The following CSMD2 variants were observed in gnomAD, a reference collection of about 807,000 sequenced individuals.
CSMD2 encodes CUB and sushi domain-containing protein 2.
In CSMD2, 130 loss-of-function variants were observed where a neutral mutation model predicts 398.5. The observed-to-expected ratio is 0.33, with a 90% CI of 0.28 to 0.38. The LOEUF (loss-of-function observed/expected upper bound fraction) is 0.38, where lower values mean the gene tolerates loss of function less well. Among genes scored for constraint, CSMD2 ranks in the 10% least tolerant of loss-of-function variants. The pLI, the probability that CSMD2 is intolerant of heterozygous loss-of-function variation, is 1.00. For synonymous variants in CSMD2, 1,828 were observed against 1,908.5 expected (o/e 0.96, Z 1.10); for missense variants, 3,829 against 4,764.9 (o/e 0.80, Z 5.78).
At chr1:33,795,101 G>A (rs915060681) in intron 10 of CSMD2, among the ~76,000 whole-genome samples, 3 of 148,320 alleles carry the variant, frequency 2.0e-5, no homozygotes, top group South Asian at 2.2e-4. Flanking sequence ...AAGGTGAGGC[G>A]GGATGTAAGC....
At chr1:33,523,560 T>C in intron 66 of CSMD2, 141 bp from the exon 67 acceptor site, 1 of 602,030 alleles carries the variant, frequency 1.7e-6, no homozygotes, top group Non-Finnish European at 3.0e-6. Flanking sequence ...TCCCTTTAAG[T>C]CGTAAGTGTA....
chr1:33,878,513 A>T (rs1417436240), intron 5 of CSMD2, among the ~76,000 whole-genome samples: 1 of 152,250 alleles, frequency 6.6e-6, no homozygotes, highest in Admixed American at 6.5e-5. Context: ...AGGAGCCATT[A>T]TTGTGACACA....
intron 3 of CSMD2, among the ~76,000 whole-genome samples, chr1:33,939,190 T>G (rs1041743307): frequency 6.6e-6 from 1 of 152,156 alleles, no homozygotes; most frequent in East Asian, 1.9e-4. Context: ...CTTCCCATGA[T>G]CCCCTGCAGC....
At chr1:33,686,458 T>C (rs1218144677) in intron 25 of CSMD2, among the ~76,000 whole-genome samples, 2 of 152,192 alleles carry the variant, frequency 1.3e-5, no homozygotes, top group Non-Finnish European at 2.9e-5. Context: ...GAAGAAGCAC[T>C]TGCCAGATGC....
At chr1:33,865,979 G>A (rs1180040285) in intron 5 of CSMD2, among the ~76,000 whole-genome samples, 1 of 152,084 alleles carries the variant, frequency 6.6e-6, no homozygotes, top group African/African-American at 2.4e-5. Context: ...CAAAAATACT[G>A]GGCCAAAATG....
intron 3 of CSMD2, among the ~76,000 whole-genome samples, chr1:33,987,539 G>A (rs1646400951): frequency 6.6e-6 from 1 of 152,110 alleles, no homozygotes; most frequent in African/African-American, 2.4e-5. Context: ...GCAAAAGTCT[G>A]ACACAGAGCA....
intron 40 of CSMD2, among the ~76,000 whole-genome samples, chr1:33,613,596 C>T (rs886238798): frequency 3.9e-5 from 6 of 152,182 alleles, no homozygotes; most frequent in African/African-American, 1.2e-4. Flanking sequence ...TCCCAAAAGC[C>T]CCTTCCCTAA....
chr1:33,813,803 T>A (rs1209052862), intron 9 of CSMD2, among the ~76,000 whole-genome samples: 1 of 152,176 alleles, frequency 6.6e-6, no homozygotes, highest in Non-Finnish European at 1.5e-5. Flanking sequence ...TTGCTTCTCC[T>A]ATTGGCCTCC....
At position 33,533,273 on chromosome 1, in the gene CSMD2, G is replaced by A; in HGVS notation, c.9992-44C>T. 1.3e-6 allele frequency: 2 copies of A among 1,565,074 alleles called. No homozygotes were observed. The highest frequency in any genetic ancestry group is 1.1e-5 in the South Asian group (1 of 88,654). On this transcript the variant is annotated intron_variant, in intron 63 of 70. Coordinates refer to ENST00000373381, the MANE Select transcript of CSMD2 (RefSeq NM_001281956.2). The surrounding 1 kb of genome is among the most constrained non-coding windows in gnomAD (Gnocchi z 4.2). Reference sequence around the variant, plus strand: ...CCTGTTGGACTGGAGGAGATTAGGGGCTTCAGGGGCCCTTTCGACCATTCC... The same window carrying A: ...CCTGTTGGACTGGAGGAGATTAGGGACTTCAGGGGCCCTTTCGACCATTCC...
intron 22 of CSMD2, among the ~76,000 whole-genome samples, chr1:33,702,978 A>T (rs1645659313): frequency 6.6e-6 from 1 of 152,136 alleles, no homozygotes; most frequent in South Asian, 2.1e-4. Context: ...TCTTTATCAC[A>T]TATATAATTA....
intron 14 of CSMD2, among the ~76,000 whole-genome samples, chr1:33,741,260 A>G (rs512136): frequency 0.99 from 150,379 of 152,108 alleles, 74,343 homozygotes; most frequent in East Asian, 1. Context: ...CTGGGGAGGC[A>G]AGCTCCCTGA....
chr1:33,705,907 T>A (rs1416553715), intron 22 of CSMD2, among the ~76,000 whole-genome samples: 3 of 151,962 alleles, frequency 2.0e-5, no homozygotes, highest in Non-Finnish European at 4.4e-5. Context: ...CTTGATCAGT[T>A]CTGCTAGTAT....
At chr1:33,970,838 T>C (rs541827091) in intron 3 of CSMD2, among the ~76,000 whole-genome samples, 4 of 152,344 alleles carry the variant, frequency 2.6e-5, no homozygotes, top group African/African-American at 9.6e-5. Flanking sequence ...TCCAATTCTG[T>C]GTAACCCCTG....
chr1:33,792,015 C>T (rs79966761), intron 11 of CSMD2, among the ~76,000 whole-genome samples: 3,302 of 152,228 alleles, frequency 0.022, 106 homozygotes, highest in African/African-American at 0.074. Flanking sequence ...TCTGAGCATG[C>T]AGAAAGGTTA....
chr1:33,638,201 C>G (rs1452174768), intron 29 of CSMD2, among the ~76,000 whole-genome samples: 1 of 152,202 alleles, frequency 6.6e-6, no homozygotes, highest in Non-Finnish European at 1.5e-5. Context: ...CCTTGACCTC[C>G]TTTATCAAAT....
intron 25 of CSMD2, among the ~76,000 whole-genome samples, chr1:33,680,570 C>A (rs907405933): frequency 2.0e-5 from 3 of 152,190 alleles, no homozygotes; most frequent in Admixed American, 6.5e-5. Flanking sequence ...TTCAGAGAAG[C>A]CTCAGACGGT....
At chr1:34,047,837 T>C (rs781125396) in intron 2 of CSMD2, among the ~76,000 whole-genome samples, 1 of 152,166 alleles carries the variant, frequency 6.6e-6, no homozygotes, top group Non-Finnish European at 1.5e-5. Flanking sequence ...AAACCCACTT[T>C]ACGTGTAATT....
At chr1:33,623,829 A>C (rs1323601186) in intron 35 of CSMD2, among the ~76,000 whole-genome samples, 1 of 152,220 alleles carries the variant, frequency 6.6e-6, no homozygotes, top group Non-Finnish European at 1.5e-5. Flanking sequence ...GACGTCCTGC[A>C]GCAATGAGCC....
intron 22 of CSMD2, among the ~76,000 whole-genome samples, chr1:33,702,068 C>T (rs1268568549): frequency 1.3e-5 from 2 of 152,094 alleles, no homozygotes; most frequent in East Asian, 1.9e-4. Flanking sequence ...GAGGAACATA[C>T]GAAATGATAC....
Sources: gnomAD v4.1 joint callset for allele counts (sites outside exome capture counted in the v4.1 genomes callset) on GRCh38, gnomAD v4.1.1 for gene constraint, Gnocchi (gnomAD v3.1) non-coding constraint, MANE v1.5 for transcripts, NCBI Gene and HGNC (gene_info 2026-07-23, HGNC 2026-07-21) for gene names.